The following C10orf71 variants were observed in gnomAD, a reference collection of about 807,000 sequenced individuals.
The protein encoded by C10orf71 is cardiac-enriched FHL2-interacting protein.
For missense variants in C10orf71, 1,869 were observed against 1,804.5 expected (o/e 1.04, Z -0.65); for synonymous variants, 758 against 726.3 (o/e 1.04, Z -0.70).
rs1466217737 is a variant in C10orf71 at position 49,324,445 on chromosome 10, C to T, written c.1900C>T (p.Pro634Ser). Residue 634 changes from proline (P) to serine (S), a missense_variant, in exon 3 of 3, where the codon CCA becomes TCA. Physicochemically the swap from Pro to Ser is moderately conservative, Grantham distance 74. Coordinates refer to ENST00000374144, the MANE Select transcript of C10orf71 (RefSeq NM_001135196.2). ...EMGPAGSSWC[P>S]DSREHRPRKH... ...GGGTCCTGCCGGATCCAGCTGGTGT[C>T]CAGACTCCAGGGAACACCGCCCCAG... 1.2e-6 allele frequency: 2 copies of T among 1,608,238 alleles called. No homozygotes were observed. Among genetic ancestry groups the T allele is most frequent in the East Asian group, 4.5e-5 (2 of 44,716 alleles).
At chr10:49,301,269 C>T (rs12415154) in intron 1 of C10orf71, among the ~76,000 whole-genome samples, 9,382 of 152,262 alleles carry the variant, frequency 0.062, 396 homozygotes, top group East Asian at 0.21. Context: ...CAGGGTCCAT[C>T]GAGGCTGGAG....
rs550570569 is a variant in C10orf71, at chr10:49,308,657, G to A, written c.-247-7488G>A. 7.9e-5 allele frequency among the ~76,000 whole-genome samples: 12 copies of A among 152,320 alleles called. No homozygotes were observed. The South Asian group carries it at 1.9e-3, about 24-fold the overall frequency. ...AACTTCCCAGGATCCATCCAGTTAC[G>A]TGAGGAGAGGGCCCGGGTCAGCCCT... On this transcript the variant is annotated intron_variant, in intron 1 of 2. Coordinates refer to ENST00000374144, the MANE Select transcript of C10orf71 (RefSeq NM_001135196.2).
At chr10:49,299,875 G>A (rs1002579456) in intron 1 of C10orf71, among the ~76,000 whole-genome samples, 1 of 152,224 alleles carries the variant, frequency 6.6e-6, no homozygotes, top group Admixed American at 6.5e-5. Context: ...CTGTAACAAA[G>A]AGAAAAACTG....
chr10:49,326,262 C>G lies in C10orf71; in HGVS notation c.3717C>G (p.Pro1239=). The G allele has an allele frequency of 5.2e-6, 8 of 1,550,078 alleles. No homozygotes were observed. The highest frequency in any genetic ancestry group is 7.0e-6 in the Non-Finnish European group (8 of 1,146,572). ...ATTTCCCCGTGGTCCGTTCCCTGCC[C>G]CCTCCCGTGCACCGCCACTCCGTGT... is the stretch of plus-strand genomic sequence containing the variant. The part of the protein sequence containing the change: ...RHNFPVVRSL[P]PPVHRHSVSG... Residue 1239 remains proline (P), a synonymous_variant, in exon 3 of 3, where the codon CCC becomes CCG. Transcript: ENST00000374144.
intron 1 of C10orf71, among the ~76,000 whole-genome samples, chr10:49,307,982 C>T (rs190158066): frequency 1.3e-5 from 2 of 152,338 alleles, no homozygotes; most frequent in Admixed American, 6.5e-5. Flanking sequence ...TAGGCACAGC[C>T]CTGGGTCTGA....
chr10:49,307,697 A>T (rs559305619), intron 1 of C10orf71, among the ~76,000 whole-genome samples: 1 of 152,216 alleles, frequency 6.6e-6, no homozygotes, highest in Admixed American at 6.5e-5. Flanking sequence ...AGCCAGTGCT[A>T]CAAATCCAGT....
intron 1 of C10orf71, among the ~76,000 whole-genome samples, chr10:49,304,595 G>A (rs1848782025): frequency 6.6e-6 from 1 of 152,218 alleles, no homozygotes; most frequent in African/African-American, 2.4e-5. Flanking sequence ...CTGGTCTATA[G>A]ACAATGTGAT....
rs1161414749 is a variant in C10orf71, at chr10:49,323,302, C to A, written c.757C>A (p.Pro253Thr). Residue 253 changes from proline (P) to threonine (T), a missense_variant, in exon 3 of 3, where the codon CCA becomes ACA. By Grantham distance (38) the Pro-to-Thr change is conservative. Coordinates refer to ENST00000374144, the MANE Select transcript of C10orf71 (RefSeq NM_001135196.2). Reference protein sequence around the residue: ...ATLCESKFPSPHHKPVTGEPG... With the variant: ...ATLCESKFPSTHHKPVTGEPG... ...CTTATGTGAGTCAAAGTTCCCCTCT[C>A]CACACCACAAGCCAGTCACGGGTGA... is the stretch of plus-strand genomic sequence containing the variant. 1 of 1,613,854 alleles carries A rather than the reference C, an allele frequency of 6.2e-7. No homozygotes were observed. Among genetic ancestry groups the A allele is most frequent in the Admixed American group, 1.7e-5 (1 of 60,000 alleles).
chr10:49,324,962 G>A lies in C10orf71; in HGVS notation c.2417G>A (p.Ser806Asn). ...QGEALQRERE[S>N]VSGGRTRKAS... ...GAAGCATTGCAAAGAGAAAGGGAAA[G>A]TGTGTCTGGAGGAAGAACCAGGAAG... The change falls in exon 3 of 3, where the codon AGT (serine) becomes AAT (asparagine). Residue 806 changes from serine to asparagine, a missense_variant. Ser to Asn is a conservative substitution (Grantham distance 46). Transcript: ENST00000374144. 1 of 1,551,028 alleles carries A rather than the reference G, an allele frequency of 6.4e-7. No homozygotes were observed. The highest frequency in any genetic ancestry group is 8.7e-7 in the Non-Finnish European group (1 of 1,146,538).
Position 49,326,981 on chromosome 10 carries a change from A to G in C10orf71, c.*128A>G, listed in dbSNP as rs1310140945. Reference sequence around the variant, plus strand: ...CACACACGATCATCAACACATACTTAGCCTTTTTAGATCCATAAAGTCCAG... The same window carrying G: ...CACACACGATCATCAACACATACTTGGCCTTTTTAGATCCATAAAGTCCAG... On this transcript the variant is annotated 3_prime_UTR_variant, in exon 3 of 3. Coordinates refer to ENST00000374144, the MANE Select transcript of C10orf71 (RefSeq NM_001135196.2). 2 of 1,561,832 alleles carry G rather than the reference A, an allele frequency of 1.3e-6. No individual in the cohort carries two copies. Among genetic ancestry groups the G allele is most frequent in the South Asian group, 2.3e-5 (2 of 86,894 alleles).
Position 49,324,305 on chromosome 10 carries a change from G to C in C10orf71, c.1760G>C (p.Ser587Thr). Residue 587 changes from serine to threonine, a missense_variant, in exon 3 of 3, where the codon AGC becomes ACC. Transcript: ENST00000374144. Reference protein sequence around the residue: ...TADPSEPSADSYLTLSTAPTI... With the variant: ...TADPSEPSADTYLTLSTAPTI... Reference sequence around the variant, plus strand: ...GACCCCAGTGAGCCCTCTGCAGACAGCTATCTAACTCTTAGCACAGCTCCG... The same window carrying C: ...GACCCCAGTGAGCCCTCTGCAGACACCTATCTAACTCTTAGCACAGCTCCG... 6.2e-7 allele frequency: 1 copy of C among 1,613,904 alleles called. No individual in the cohort carries two copies. Among genetic ancestry groups the C allele is most frequent in the South Asian group, 1.1e-5 (1 of 91,060 alleles).
At position 49,326,354 on chromosome 10, in the gene C10orf71, AC is replaced by A; in HGVS notation, c.3813del (p.Ala1272ProfsTer23). On this transcript the variant is annotated frameshift_variant, in exon 3 of 3. Transcript: ENST00000374144. LOFTEE classifies it low-confidence loss of function (END_TRUNC). ...GPQSLTPLPA[Y>X]PATQKVLQDP... is the part of the protein sequence containing the mutation. ...CAGTCCCTCACACCCCTGCCCGCGT[AC>A]CCCGCCACCCAGAAGGTCCTCCAGG... 1.3e-6 allele frequency: 2 copies of A among 1,550,268 alleles called. No homozygotes were observed. Among genetic ancestry groups the A allele is most frequent in the African/African-American group, 1.4e-5 (1 of 73,118 alleles).
chr10:49,299,513 C>G (rs561359461), intron 1 of C10orf71: 5 of 152,846 alleles, frequency 3.3e-5, no homozygotes, highest in African/African-American at 1.2e-4. Flanking sequence ...AAGTTCATGG[C>G]GGGAGGGATG....
chr10:49,323,756 C>T lies in C10orf71; in HGVS notation c.1211C>T (p.Thr404Ile). 1 of 1,614,006 alleles carries T rather than the reference C, an allele frequency of 6.2e-7. No homozygotes were observed. The highest frequency in any genetic ancestry group is 1.6e-4 in the Middle Eastern group (1 of 6,062). ...GATACTTTAGAAGAAAAGACACAGACCAACCAGAGAGGCCCACCTTTGTAT... is the reference window on the plus strand; with the variant it reads ...GATACTTTAGAAGAAAAGACACAGATCAACCAGAGAGGCCCACCTTTGTAT... Reference protein sequence around the residue: ...LQDTLEEKTQTNQRGPPLYTK... With the variant: ...LQDTLEEKTQINQRGPPLYTK... The change falls in exon 3 of 3, where the codon ACC (threonine) becomes ATC (isoleucine). Residue 404 changes from threonine (T) to isoleucine (I), a missense_variant. Physicochemically the swap from Thr to Ile is moderately conservative, Grantham distance 89. Coordinates refer to ENST00000374144, the MANE Select transcript of C10orf71 (RefSeq NM_001135196.2).
rs149360704 is a variant in C10orf71, at chr10:49,320,484, C to T, written c.-144-1918C>T. On this transcript the variant is annotated intron_variant, in intron 2 of 2. Transcript: ENST00000374144. ...GGCAATCAGCGAACAGACAACCCAG[C>T]AGTCCCCATATGCCTGGCACTGACA... 2.4e-3 allele frequency among the ~76,000 whole-genome samples: 373 copies of T among 152,306 alleles called. 2 individuals are homozygous for T. Among genetic ancestry groups the T allele is most frequent in the African/African-American group, 8.0e-3 (331 of 41,564 alleles).
chr10:49,315,301 G>C (rs577668069), intron 1 of C10orf71, among the ~76,000 whole-genome samples: 319 of 152,334 alleles, frequency 2.1e-3, no homozygotes, highest in Middle Eastern at 0.017. Flanking sequence ...CCAAAGGTTT[G>C]CATTTAAAAT....
chr10:49,301,726 G>A (rs372766579), intron 1 of C10orf71, among the ~76,000 whole-genome samples: 23 of 152,294 alleles, frequency 1.5e-4, no homozygotes, highest in African/African-American at 5.3e-4. Context: ...TCCCTTCTAA[G>A]CCCAGGTCAG....
intron 1 of C10orf71, among the ~76,000 whole-genome samples, chr10:49,314,739 G>A (rs1387245052): frequency 3.9e-5 from 6 of 152,140 alleles, no homozygotes; most frequent in Non-Finnish European, 8.8e-5. Flanking sequence ...ATTATTTAGA[G>A]ATGCAAATGG....
At chr10:49,307,188 C>T (rs1429843949) in intron 1 of C10orf71, among the ~76,000 whole-genome samples, 1 of 152,218 alleles carries the variant, frequency 6.6e-6, no homozygotes, top group Admixed American at 6.5e-5. Context: ...CACCTCTGAG[C>T]TCACAAGGAG....
Sources: allele counts gnomAD v4.1 joint callset (sites outside exome capture counted in the v4.1 genomes callset), GRCh38; gene constraint gnomAD v4.1.1; transcripts MANE v1.5; gene names NCBI Gene and HGNC (gene_info 2026-07-23, HGNC 2026-07-21).